Variants in ST18 observed in about 807,000 individuals in gnomAD.
ST18 encodes the protein ST18 C2H2C-type zinc finger transcription factor.
ST18 carries 50 observed loss-of-function variants against 110.0 expected under a neutral mutation model. The observed-to-expected ratio is 0.45, with a 90% CI of 0.36 to 0.58. ST18 has a LOEUF of 0.58. Among genes scored for constraint, ST18 ranks in the 20% least tolerant of loss-of-function variants. The probability of loss-of-function intolerance (pLI) is 0.00; values close to 1 mark genes in which losing one functional copy is unlikely to be tolerated. For synonymous variants in ST18, 461 were observed against 452.4 expected (o/e 1.02, Z -0.24); for missense variants, 1,306 against 1,280.1 (o/e 1.02, Z -0.31).
intron 2 of ST18, among the ~76,000 whole-genome samples, chr8:52,338,314 T>G (rs964272451): frequency 1.3e-5 from 2 of 152,100 alleles, no homozygotes; most frequent in African/African-American, 4.8e-5. Flanking sequence ...CACCTCGGCC[T>G]CCCAAAGTAC....
chr8:52,118,245 A>G, intron 24 of ST18, 93 bp downstream of exon 24: 1 of 802,436 alleles, frequency 1.2e-6, no homozygotes, highest in Non-Finnish European at 2.0e-6. Flanking sequence ...CTAAGTTACC[A>G]TATATTTTCA....
chr8:52,340,821 A>G (rs556360979), intron 2 of ST18, among the ~76,000 whole-genome samples: 145 of 152,284 alleles, frequency 9.5e-4, no homozygotes, highest in African/African-American at 3.4e-3. Flanking sequence ...AACTCGTCTT[A>G]ATTGTGTAGT....
intron 8 of ST18, among the ~76,000 whole-genome samples, chr8:52,196,688 T>C (rs1034547035): frequency 6.6e-6 from 1 of 152,216 alleles, no homozygotes; most frequent in Non-Finnish European, 1.5e-5. Context: ...GTGCCTACGT[T>C]ATAAATTAAA....
At chr8:52,309,973 A>G (rs1025899779) in intron 2 of ST18, among the ~76,000 whole-genome samples, 2 of 152,200 alleles carry the variant, frequency 1.3e-5, no homozygotes, top group Non-Finnish European at 2.9e-5. Flanking sequence ...TATACTGTGC[A>G]TGGGGAGAGG....
chr8:52,357,800 T>C (rs568877814), intron 2 of ST18, among the ~76,000 whole-genome samples: 7 of 146,244 alleles, frequency 4.8e-5, no homozygotes, highest in Non-Finnish European at 1.1e-4. Context: ...CTTATGTTAA[T>C]GAATAGATCC....
intron 8 of ST18, among the ~76,000 whole-genome samples, chr8:52,204,943 T>G (rs930551236): frequency 3.9e-5 from 6 of 152,172 alleles, no homozygotes; most frequent in Non-Finnish European, 8.8e-5. Flanking sequence ...TTCCTGCTCT[T>G]ATTTTGTTTC....
intron 2 of ST18, among the ~76,000 whole-genome samples, chr8:52,330,783 A>G (rs564557520): frequency 6.6e-6 from 1 of 152,364 alleles, no homozygotes; most frequent in African/African-American, 2.4e-5. Context: ...TGGGCTAAGA[A>G]CTGAAGAGGA....
At chr8:52,274,182 T>C (rs1309005670) in intron 2 of ST18, among the ~76,000 whole-genome samples, 1 of 152,126 alleles carries the variant, frequency 6.6e-6, no homozygotes, top group Non-Finnish European at 1.5e-5. Context: ...TGGAAATGTA[T>C]CAAATGCAAT....
intron 2 of ST18, among the ~76,000 whole-genome samples, chr8:52,278,219 C>T (rs2095311008): frequency 6.6e-6 from 1 of 152,124 alleles, no homozygotes; most frequent in Admixed American, 6.5e-5. Context: ...TGATTGTCCC[C>T]TGACATCATA....
chr8:52,221,675 C>T lies in ST18; in HGVS notation c.-300G>A, dbSNP rs1156902594. The stretch of plus-strand genomic sequence containing the variant: ...GAAAATTTCTACCGTCCTGCCTTCT[C>T]TACCCTTTGCAGTATATCAAAGTGC... On this transcript the variant is annotated 5_prime_UTR_variant, in exon 4 of 26. It removes the in-frame stop codon of an upstream open reading frame in the 5' UTR. Coordinates refer to ENST00000689386, the MANE Select transcript of ST18 (RefSeq NM_001352837.2). 1.3e-5 allele frequency: 2 copies of T among 152,216 alleles called. No homozygotes were observed. Among genetic ancestry groups the T allele is most frequent in the African/African-American group, 4.8e-5 (2 of 41,460 alleles). The allele number at this position is 152,216 out of a possible 1,614,324, so 9.4% of individuals were successfully genotyped here.
At chr8:52,163,033 G>A (rs1322898239) in intron 13 of ST18, among the ~76,000 whole-genome samples, 2 of 152,246 alleles carry the variant, frequency 1.3e-5, no homozygotes, top group Admixed American at 6.5e-5. Flanking sequence ...TAAGAAATGA[G>A]CAAAATGAAA....
intron 2 of ST18, among the ~76,000 whole-genome samples, chr8:52,292,273 A>T (rs2095567749): frequency 6.6e-6 from 1 of 152,220 alleles, no homozygotes; most frequent in Non-Finnish European, 1.5e-5. Flanking sequence ...TCACTTACAC[A>T]CAGAAATGCA....
intron 9 of ST18, among the ~76,000 whole-genome samples, chr8:52,175,115 C>A (rs1342261578): frequency 6.6e-6 from 1 of 152,020 alleles, no homozygotes; most frequent in African/African-American, 2.4e-5. Context: ...GCTGCGTCAC[C>A]TGCCTGAGCT....
intron 17 of ST18, among the ~76,000 whole-genome samples, chr8:52,141,049 C>CGA (rs1184517325): frequency 2.0e-5 from 3 of 152,072 alleles, no homozygotes; most frequent in African/African-American, 7.2e-5. Context: ...GTGTTCAAGC[C>CGA]GATTTAAGTT....
intron 2 of ST18, among the ~76,000 whole-genome samples, chr8:52,233,079 T>C (rs1421328489): frequency 6.6e-6 from 1 of 152,192 alleles, no homozygotes; most frequent in Non-Finnish European, 1.5e-5. Flanking sequence ...CTCATCTAAA[T>C]ACAAGAGGAT....
At chr8:52,251,650 T>A (rs1434038000) in intron 2 of ST18, among the ~76,000 whole-genome samples, 1 of 152,048 alleles carries the variant, frequency 6.6e-6, no homozygotes, top group Non-Finnish European at 1.5e-5. Context: ...TGGTCCAGAT[T>A]TCAGTTTGTG....
intron 10 of ST18, among the ~76,000 whole-genome samples, chr8:52,168,049 C>A (rs1198195645): frequency 2.0e-5 from 3 of 151,592 alleles, no homozygotes; most frequent in Non-Finnish European, 4.4e-5. Flanking sequence ...AAAGGTGAAA[C>A]AAAGATGCAC....
chr8:52,162,785 T>C (rs191953145), intron 13 of ST18, among the ~76,000 whole-genome samples: 60 of 152,310 alleles, frequency 3.9e-4, no homozygotes, highest in Non-Finnish European at 7.6e-4. Context: ...TAAACAAATA[T>C]ACCTTTCAAA....
chr8:52,344,440 G>A (rs1347826443), intron 2 of ST18, among the ~76,000 whole-genome samples: 1 of 151,054 alleles, frequency 6.6e-6, no homozygotes, highest in African/African-American at 2.4e-5. Flanking sequence ...CACTGTTGTT[G>A]CCCAGGCTAG....
Sources: allele counts gnomAD v4.1 joint callset (sites outside exome capture counted in the v4.1 genomes callset), GRCh38; gene constraint gnomAD v4.1.1; transcripts MANE v1.5; gene names NCBI Gene and HGNC (gene_info 2026-07-23, HGNC 2026-07-21).